COL12A1: variants seen among roughly 807,000 people sequenced by gnomAD.
The protein encoded by COL12A1 is collagen alpha-1(XII) chain.
In COL12A1, 114 loss-of-function variants were observed where a neutral mutation model predicts 349.7. The observed-to-expected ratio is 0.33, with a 90% CI of 0.28 to 0.38. The LOEUF is 0.38. COL12A1 is among the 10% of genes least tolerant of loss of function. The pLI is 1.00. For missense variants in COL12A1, 3,284 were observed against 3,756.9 expected (o/e 0.87, Z 3.29); for synonymous variants, 1,369 against 1,329.0 (o/e 1.03, Z -0.66).
chr6:75,091,264 G>T, intron 62 of COL12A1, 59 bp downstream of exon 62: 1 of 1,403,480 alleles, frequency 7.1e-7, no homozygotes, highest in Non-Finnish European at 1.0e-6. Flanking sequence ...CTCAAACTCT[G>T]CATTTTCCTG....
intron 20 of COL12A1, among the ~76,000 whole-genome samples, chr6:75,151,521 A>G (rs1218000094): frequency 1.3e-5 from 2 of 152,132 alleles, no homozygotes; most frequent in African/African-American, 4.8e-5. Context: ...TATAGCACCA[A>G]TTTCCCGCCA....
chr6:75,106,202 G>T (rs1362475298), intron 53 of COL12A1, among the ~76,000 whole-genome samples: 2 of 152,154 alleles, frequency 1.3e-5, no homozygotes, highest in South Asian at 2.1e-4. Flanking sequence ...CTCTTAGGGA[G>T]AAGTCCCAGA....
chr6:75,202,918 G>T (rs1347695964), intron 1 of COL12A1, 91 bp from the exon 2 acceptor site: 4 of 762,906 alleles, frequency 5.2e-6, no homozygotes, highest in African/African-American at 1.8e-5. Context: ...TCCAGAACCC[G>T]ACCAGATCTG....
rs189248320 is a variant in COL12A1, at chr6:75,205,591, A to C, written c.-36+186T>G. Among the ~76,000 whole-genome samples the C allele has an allele frequency of 1.4e-3, 211 of 151,726 alleles. 4 individuals carry two copies. The highest frequency in any genetic ancestry group is 0.012 in the Admixed American group (186 of 15,226). On this transcript the variant is annotated intron_variant, in intron 1 of 65. Coordinates refer to ENST00000322507, the MANE Select transcript of COL12A1 (RefSeq NM_004370.6). ...AGCAACATTCCCCTCTCCCTCAAAA[A>C]CCCCAAAGAATCACCAAATCCCAGT...
intron 52 of COL12A1, among the ~76,000 whole-genome samples, chr6:75,106,899 CTTTTTTTTTT>C: frequency 2.4e-5 from 1 of 41,960 alleles, no homozygotes; most frequent in South Asian, 1.1e-3. Flanking sequence ...TTTTCTTTTT[CTTTTTTTTTT>C]TTTTTTTTTT....
rs538883868 is a variant in COL12A1 at position 75,126,523 on chromosome 6, AG to A, written c.6341-54del. ...TGACCTTTTATTGGCACACAGGGAG[AG>A]CACAAAACTTTAAAAGTATCGGTAG... On this transcript the variant is annotated intron_variant, in intron 38 of 65. Coordinates refer to ENST00000322507, the MANE Select transcript of COL12A1 (RefSeq NM_004370.6). The A allele has an allele frequency of 1.9e-3, 2,906 of 1,549,136 alleles. 3 individuals carry two copies. The highest frequency in any genetic ancestry group is 2.3e-3 in the Non-Finnish European group (2,646 of 1,140,052).
intron 2 of COL12A1, among the ~76,000 whole-genome samples, chr6:75,199,317 GA>G (rs922926478): frequency 2.0e-5 from 3 of 152,128 alleles, no homozygotes; most frequent in Non-Finnish European, 4.4e-5. Context: ...TAGAATAGAT[GA>G]TCTCTATGTT....
intron 5 of COL12A1, among the ~76,000 whole-genome samples, chr6:75,191,089 A>G (rs1319807569): frequency 6.6e-6 from 1 of 151,946 alleles, no homozygotes; most frequent in Non-Finnish European, 1.5e-5. Flanking sequence ...AGACAAAAGG[A>G]GGCTAATAAC....
At chr6:75,164,743 T>C (rs1419875003) in intron 14 of COL12A1, among the ~76,000 whole-genome samples, 1 of 152,088 alleles carries the variant, frequency 6.6e-6, no homozygotes, top group East Asian at 1.9e-4. Flanking sequence ...CACATGATTA[T>C]CACTTAAACA....
chr6:75,116,650 A>C (rs1769097306), intron 47 of COL12A1, among the ~76,000 whole-genome samples: 2 of 152,068 alleles, frequency 1.3e-5, no homozygotes, highest in African/African-American at 4.8e-5. Context: ...TAAACCAACA[A>C]AGTCTGTTTA....
intron 3 of COL12A1, 116 bp downstream of exon 3, chr6:75,194,715 C>A: frequency 3.3e-6 from 2 of 606,730 alleles, no homozygotes. Flanking sequence ...TGACATGGAT[C>A]AAATCCCTCA....
Position 75,130,936 on chromosome 6 carries a change from T to C in COL12A1, c.5983A>G (p.Ile1995Val). ...NTRMVHLERLIPDTLYSVNLV... is the reference protein window; with the variant it reads ...NTRMVHLERLVPDTLYSVNLV... ...TTCACGGAATAGAGTGTGTCCGGAA[T>C]CAGCCGCTCCAGATGCACCATGCGC... The change falls in exon 36 of 66, where the codon ATT (isoleucine) becomes GTT (valine). Residue 1995 changes from isoleucine (I) to valine (V), a missense_variant. Around this residue, in one of 2 missense-constraint regions of COL12A1, gnomAD observed 2,601 missense variants for 2,824.8 expected, o/e 0.92. Coordinates refer to ENST00000322507, the MANE Select transcript of COL12A1 (RefSeq NM_004370.6). 1 of 1,614,162 alleles carries C rather than the reference T, an allele frequency of 6.2e-7. No homozygotes were observed.
chr6:75,183,833 A>G (rs1490563567), intron 9 of COL12A1, 21 bp downstream of exon 9: 3 of 1,612,096 alleles, frequency 1.9e-6, no homozygotes, highest in South Asian at 1.1e-5. Context: ...TCCAAATACA[A>G]TGATGCACAC....
intron 60 of COL12A1, among the ~76,000 whole-genome samples, chr6:75,094,370 T>C (rs1767909620): frequency 6.6e-6 from 1 of 152,090 alleles, no homozygotes; most frequent in Admixed American, 6.5e-5. Context: ...CAAAAAAAAT[T>C]GCTTAAATAA....
rs79461746 is a variant in COL12A1 at position 75,091,544 on chromosome 6, A to G, written c.8650-19T>C. 3 of 1,607,284 alleles carry G rather than the reference A, an allele frequency of 1.9e-6. No homozygotes were observed. The highest frequency in any genetic ancestry group is 1.3e-5 in the African/African-American group (1 of 74,774). On this transcript the variant is annotated intron_variant, in intron 60 of 65. Transcript: ENST00000322507. ...ATGGACCCTGAAAAATATGAATTACATACATTAGAAACTGACAAACATACT... is the reference window on the plus strand; with the variant it reads ...ATGGACCCTGAAAAATATGAATTACGTACATTAGAAACTGACAAACATACT...
chr6:75,193,681 T>G, intron 3 of COL12A1, among the ~76,000 whole-genome samples: 1 of 152,278 alleles, frequency 6.6e-6, no homozygotes, highest in East Asian at 1.9e-4. Flanking sequence ...GCTGCACCCA[T>G]TAACTCTTTA....
chr6:75,148,269 C>G (rs537077176), intron 22 of COL12A1, 89 bp downstream of exon 22: 29 of 1,327,156 alleles, frequency 2.2e-5, no homozygotes, highest in Non-Finnish European at 3.0e-5. Flanking sequence ...ATCCCTCTTG[C>G]CCCTCACCTA....
At chr6:75,130,703 C>G in intron 36 of COL12A1, 149 bp downstream of exon 36, 2 of 982,104 alleles carry the variant, frequency 2.0e-6, no homozygotes, top group South Asian at 1.7e-5. Flanking sequence ...AGTCACAGAC[C>G]CAATGTTTTC....
chr6:75,183,796 C>A, intron 9 of COL12A1, 58 bp downstream of exon 9: 2 of 1,585,410 alleles, frequency 1.3e-6, no homozygotes, highest in Admixed American at 1.7e-5. Flanking sequence ...ACAAGTAAGG[C>A]ATTCTGTCAA....
Sources: gnomAD v4.1 joint callset for allele counts (sites outside exome capture counted in the v4.1 genomes callset) on GRCh38, gnomAD v4.1.1 for gene constraint, gnomAD v4.1.1 regional missense constraint, MANE v1.5 for transcripts, NCBI Gene and HGNC (gene_info 2026-07-23, HGNC 2026-07-21) for gene names.